LYRM7: variants seen among roughly 807,000 people sequenced by gnomAD.
LYRM7 encodes complex III assembly factor LYRM7.
In LYRM7, 9 loss-of-function variants were observed where a neutral mutation model predicts 15.8. The ratio of observed to expected loss-of-function variants is 0.57; its 90% CI spans 0.34 to 0.99. LYRM7 has a LOEUF of 0.99. Among genes scored for constraint, LYRM7 ranks in the 50% least tolerant of loss-of-function variants. The pLI is 0.02. For synonymous variants in LYRM7, 39 were observed against 39.4 expected, an observed-to-expected ratio of 0.99 and a Z score of 0.04; for missense variants, 115 against 119.1, an observed-to-expected ratio of 0.97 and a Z score of 0.16.
chr5:131,179,656 CCGGGT>C (rs1200707754), intron 1 of LYRM7, among the ~76,000 whole-genome samples: 9 of 151,696 alleles, frequency 5.9e-5, no homozygotes, highest in African/African-American at 2.2e-4. Flanking sequence ...AATATTTTGG[CCGGGT>C]GCAGTGGCTC....
At chr5:131,179,957 A>G (rs1196772913) in intron 1 of LYRM7, 138 bp from the exon 2 acceptor site, 6 of 564,754 alleles carry the variant, frequency 1.1e-5, no homozygotes, top group African/African-American at 2.0e-5. Flanking sequence ...TTTTTTTTGT[A>G]GAGATGGGGG....
In LYRM7 at chr5:131,204,967, T is replaced by C. The variant is rs1448240769; in HGVS notation, c.*5366T>C. 1 of 152,294 alleles carries C rather than the reference T, an allele frequency of 6.6e-6. No homozygotes were observed. The highest frequency in any genetic ancestry group is 6.5e-5 in the Admixed American group (1 of 15,270). The allele number at this position is 152,294 out of a possible 1,614,324, so 9.4% of individuals were successfully genotyped here. A position where few individuals can be genotyped will look rare whatever the true frequency, so the allele number is the denominator to read the frequency against. On this transcript the variant is annotated 3_prime_UTR_variant, in exon 5 of 5. Transcript: ENST00000379380. The stretch of plus-strand genomic sequence containing the variant: ...ATTGTTTACAGTGAGTATATCAACA[T>C]GTAAGTGTTAAAAGACAATAAGCTA...
At chr5:131,175,345 A>G (rs951321865) in intron 1 of LYRM7, among the ~76,000 whole-genome samples, 3 of 151,238 alleles carry the variant, frequency 2.0e-5, no homozygotes, top group African/African-American at 7.3e-5. Flanking sequence ...GATTGCAGGC[A>G]TGCACCACCA....
At chr5:131,177,351 C>T (rs1222568589) in intron 1 of LYRM7, among the ~76,000 whole-genome samples, 1 of 152,140 alleles carries the variant, frequency 6.6e-6, no homozygotes, top group African/African-American at 2.4e-5. Flanking sequence ...CCTGGGTTCC[C>T]ATGTCTTTTC....
rs1268077917 is a variant in LYRM7 at position 131,204,280 on chromosome 5, A to C, written c.*4679A>C. On this transcript the variant is annotated 3_prime_UTR_variant, in exon 5 of 5. Transcript: ENST00000379380. ...CATCATCAAAATTTTAAATATATTC[A>C]GTCTATTTCTCAAAAACTCAAAGAA... 1 of 152,004 alleles carries C rather than the reference A, an allele frequency of 6.6e-6. No individual in the cohort carries two copies. Among genetic ancestry groups the C allele is most frequent in the South Asian group, 2.1e-4 (1 of 4,822 alleles). The allele number at this position is 152,004 out of a possible 1,614,324, so 9.4% of individuals were successfully genotyped here. A position where few individuals can be genotyped will look rare whatever the true frequency, so the allele number is the denominator to read the frequency against.
rs192387858 is a variant in LYRM7 at position 131,187,190 on chromosome 5, G to A, written c.244+81G>A. 186 of 769,284 alleles carry A rather than the reference G, an allele frequency of 2.4e-4. 1 individual carries two copies. Among genetic ancestry groups the A allele is most frequent in the South Asian group, 2.3e-3 (131 of 57,814 alleles). 47.7% of individuals were successfully genotyped at this position (769,284 alleles called of 1,614,324 possible). A position where few individuals can be genotyped will look rare whatever the true frequency, so the allele number is the denominator to read the frequency against. ...ATAATTATAGCACATGTAATGCTGA[G>A]TGATAAAACAGCTTGATTTTGCCAG... On this transcript the variant is annotated intron_variant, in intron 4 of 4. Coordinates refer to ENST00000379380, the MANE Select transcript of LYRM7 (RefSeq NM_181705.4).
intron 4 of LYRM7, among the ~76,000 whole-genome samples, chr5:131,189,397 C>G (rs1048910227): frequency 7.9e-6 from 1 of 125,938 alleles, no homozygotes; most frequent in African/African-American, 3.1e-5. Context: ...GAGTCAAGAT[C>G]GAGCCACTGC....
intron 4 of LYRM7, among the ~76,000 whole-genome samples, chr5:131,190,135 C>CA (rs573413593): frequency 0.016 from 1,309 of 82,072 alleles, 12 homozygotes; most frequent in African/African-American, 0.039. Flanking sequence ...CCCTGTCTCA[C>CA]AAAAAAAAAA....
At position 131,204,514 on chromosome 5, in the gene LYRM7, AG is replaced by A. The variant is rs1756138269; in HGVS notation, c.*4914del. On this transcript the variant is annotated 3_prime_UTR_variant, in exon 5 of 5. Coordinates refer to ENST00000379380, the MANE Select transcript of LYRM7 (RefSeq NM_181705.4). The stretch of plus-strand genomic sequence containing the variant: ...CACACACACACACACACACACACAC[AG>A]TTTGGGTATCCCTAATCCAGAAATT... 3 of 146,738 alleles carry A rather than the reference AG, an allele frequency of 2.0e-5. No individual in the cohort carries two copies. The highest frequency in any genetic ancestry group is 4.5e-5 in the Non-Finnish European group (3 of 67,030). 9.1% of individuals were successfully genotyped at this position (146,738 alleles called of 1,614,324 possible). A position where few individuals can be genotyped will look rare whatever the true frequency, so the allele number is the denominator to read the frequency against.
rs1756131026 is a variant in LYRM7, at chr5:131,204,303, GA to G, written c.*4704del. 2 of 148,634 alleles carry G rather than the reference GA, an allele frequency of 1.3e-5. No homozygotes were observed. The highest frequency in any genetic ancestry group is 4.2e-4 in the South Asian group (2 of 4,818). The allele number at this position is 148,634 out of a possible 1,614,324, so 9.2% of individuals were successfully genotyped here. A position where few individuals can be genotyped will look rare whatever the true frequency, so the allele number is the denominator to read the frequency against. Reference sequence around the variant, plus strand: ...TCAGTCTATTTCTCAAAAACTCAAAGAATACTAATAAATGTGTACTCAGGTA... The same window carrying G: ...TCAGTCTATTTCTCAAAAACTCAAAGATACTAATAAATGTGTACTCAGGTA... On this transcript the variant is annotated 3_prime_UTR_variant, in exon 5 of 5. Transcript: ENST00000379380.
intron 3 of LYRM7, 105 bp from the exon 4 acceptor site, chr5:131,186,923 T>G: frequency 1.5e-6 from 1 of 663,612 alleles, no homozygotes; most frequent in Non-Finnish European, 2.7e-6. Context: ...GAGAAACTAC[T>G]GTATTACTTG....
intron 4 of LYRM7, among the ~76,000 whole-genome samples, chr5:131,187,923 C>T (rs986965494): frequency 1.3e-5 from 2 of 152,200 alleles, no homozygotes; most frequent in East Asian, 3.9e-4. Flanking sequence ...TTTTTATTCT[C>T]TAAAGTATCT....
chr5:131,173,350 G>A (rs2149658551), intron 1 of LYRM7, among the ~76,000 whole-genome samples: 1 of 152,350 alleles, frequency 6.6e-6, no homozygotes. Context: ...GTATATTGCA[G>A]TAAAGCGAGT....
In LYRM7 at chr5:131,194,098, A is replaced by G. The variant is rs115554245; in HGVS notation, c.245-5433A>G. Reference sequence around the variant, plus strand: ...CAGGGGCCTGAAGTACAGGAAATAAACCATGATCTCAATGCAGTTCCTTTT... The same window carrying G: ...CAGGGGCCTGAAGTACAGGAAATAAGCCATGATCTCAATGCAGTTCCTTTT... On this transcript the variant is annotated intron_variant, in intron 4 of 4. Coordinates refer to ENST00000379380, the MANE Select transcript of LYRM7 (RefSeq NM_181705.4). Among the ~76,000 whole-genome samples the G allele has an allele frequency of 5.7e-3, 867 of 152,346 alleles. 9 individuals are homozygous for G. Among genetic ancestry groups the G allele is most frequent in the African/African-American group, 0.02 (838 of 41,574 alleles).
rs941494824 is a variant in LYRM7, at chr5:131,203,635, G to C, written c.*4034G>C. ...TTGAACCCGGTAGGCAGATGTTGCA[G>C]TGAGCCGAGATCGCACCATTGCACT... On this transcript the variant is annotated 3_prime_UTR_variant, in exon 5 of 5. Coordinates refer to ENST00000379380, the MANE Select transcript of LYRM7 (RefSeq NM_181705.4). 6.6e-6 allele frequency: 1 copy of C among 152,382 alleles called. No homozygotes were observed. Among genetic ancestry groups the C allele is most frequent in the African/African-American group, 2.4e-5 (1 of 41,474 alleles). The allele number at this position is 152,382 out of a possible 1,614,324, so 9.4% of individuals were successfully genotyped here. A position where few individuals can be genotyped will look rare whatever the true frequency, so the allele number is the denominator to read the frequency against.
At chr5:131,181,993 A>G (rs1256504344) in intron 2 of LYRM7, among the ~76,000 whole-genome samples, 1 of 152,182 alleles carries the variant, frequency 6.6e-6, no homozygotes, top group Admixed American at 6.5e-5. Context: ...AAATCAGTGG[A>G]AGAAAAAATA....
Position 131,202,854 on chromosome 5 carries a change from C to T in LYRM7, c.*3253C>T, listed in dbSNP as rs772197235. The T allele has an allele frequency of 2.6e-5, 4 of 152,130 alleles. No homozygotes were observed. Among genetic ancestry groups the T allele is most frequent in the African/African-American group, 4.8e-5 (2 of 41,368 alleles). The allele number at this position is 152,130 out of a possible 1,614,324, so 9.4% of individuals were successfully genotyped here. A position where few individuals can be genotyped will look rare whatever the true frequency, so the allele number is the denominator to read the frequency against. On this transcript the variant is annotated 3_prime_UTR_variant, in exon 5 of 5. Coordinates refer to ENST00000379380, the MANE Select transcript of LYRM7 (RefSeq NM_181705.4). Reference sequence around the variant, plus strand: ...AGGACTTTCTAACACAATCTTTTAGCGGAAGTTAGAAATGGTATATAGCAG... The same window carrying T: ...AGGACTTTCTAACACAATCTTTTAGTGGAAGTTAGAAATGGTATATAGCAG...
At chr5:131,184,378 A>AT (rs928793286) in intron 3 of LYRM7, among the ~76,000 whole-genome samples, 1 of 150,708 alleles carries the variant, frequency 6.6e-6, no homozygotes, top group East Asian at 2.0e-4. Flanking sequence ...TCTTTTCTTT[A>AT]TTTTTTTGGG....
chr5:131,187,083 G>T lies in LYRM7; in HGVS notation c.218G>T (p.Gly73Val). 4 of 1,558,342 alleles carry T rather than the reference G, an allele frequency of 2.6e-6. No individual in the cohort carries two copies. Among genetic ancestry groups the T allele is most frequent in the Non-Finnish European group, 3.5e-6 (4 of 1,143,158 alleles). The change falls in exon 4 of 5, where the codon GGT (glycine) becomes GTT (valine). Residue 73 changes from glycine (G) to valine (V), a missense_variant. Gly to Val is a moderately radical substitution (Grantham distance 109). Transcript: ENST00000379380. ...ELLLRTSVIQ[G>V]IHTDHNTLKL... Reference sequence around the variant, plus strand: ...TTACTCAGAACATCTGTTATACAAGGTATTCACACAGACCACAATACACTG... The same window carrying T: ...TTACTCAGAACATCTGTTATACAAGTTATTCACACAGACCACAATACACTG...
Sources: allele counts gnomAD v4.1 joint callset (sites outside exome capture counted in the v4.1 genomes callset), GRCh38; gene constraint gnomAD v4.1.1; transcripts MANE v1.5; gene names NCBI Gene and HGNC (gene_info 2026-07-23, HGNC 2026-07-21).